The following AP1M1 variants were observed in gnomAD, a reference collection of about 807,000 sequenced individuals.
The protein encoded by AP1M1 is AP-1 complex subunit mu-1.
AP1M1 carries 18 observed loss-of-function variants against 57.1 expected under a neutral mutation model. The ratio of observed to expected loss-of-function variants is 0.32; its 90% confidence interval spans 0.22 to 0.47. The LOEUF (loss-of-function observed/expected upper bound fraction) is 0.47. Ranked by LOEUF, AP1M1 falls within the 20% of genes least tolerant of loss-of-function variation. AP1M1 has a pLI of 1.00. For synonymous variants in AP1M1, 241 were observed against 237.9 expected, an observed-to-expected ratio of 1.01 and a Z score of -0.12; for missense variants, 362 against 593.5, an observed-to-expected ratio of 0.61 and a Z score of 4.05.
rs944154553 is a variant in AP1M1, at chr19:16,227,119, C to T, written c.674-429C>T. On this transcript the variant is annotated intron_variant, in intron 6 of 11. Coordinates refer to ENST00000291439, the MANE Select transcript of AP1M1 (RefSeq NM_032493.4). The surrounding 1 kb of genome is among the most constrained non-coding windows in gnomAD (Gnocchi z 6.2). ...GCATCAGTCTATCAGGGCAGCTCCC[C>T]GCCTGGGGCTGGGCAGGGCCCCACC... is the stretch of plus-strand genomic sequence containing the variant. Among the ~76,000 whole-genome samples, 11 of 152,126 alleles carry T rather than the reference C, an allele frequency of 7.2e-5. No individual in the cohort carries two copies. The highest frequency in any genetic ancestry group is 4.1e-4 in the South Asian group (2 of 4,830).
intron 2 of AP1M1, among the ~76,000 whole-genome samples, chr19:16,205,828 C>T (rs186510048): frequency 2.4e-3 from 369 of 152,284 alleles, no homozygotes; most frequent in Non-Finnish European, 4.2e-3. Flanking sequence ...AGAGAAATAT[C>T]AAGGTTTCTC....
intron 5 of AP1M1, among the ~76,000 whole-genome samples, chr19:16,219,544 C>T (rs55807269): frequency 0.11 from 16,591 of 151,840 alleles, 1,120 homozygotes; most frequent in East Asian, 0.32. Flanking sequence ...ATTACAGGCA[C>T]CTGCCACCAT....
chr19:16,209,186 CT>C lies in AP1M1; in HGVS notation c.546+13del. ...AGTCTGTCAACCTCTTGGTAGGCCT[CT>C]TTTCTTTCCTTCTTCTGTAGGGTTT... On this transcript the variant is annotated intron_variant, in intron 5 of 11. Coordinates refer to ENST00000291439, the MANE Select transcript of AP1M1 (RefSeq NM_032493.4). 1.9e-6 allele frequency: 3 copies of C among 1,613,300 alleles called. No homozygotes were observed. The highest frequency in any genetic ancestry group is 2.5e-6 in the Non-Finnish European group (3 of 1,179,688).
Position 16,234,582 on chromosome 19 carries a change from C to A in AP1M1, c.*147C>A. 1 of 967,730 alleles carries A rather than the reference C, an allele frequency of 1.0e-6. No individual in the cohort carries two copies. The highest frequency in any genetic ancestry group is 1.5e-5 in the South Asian group (1 of 68,902). The allele number at this position is 967,730 out of a possible 1,614,324, so 59.9% of individuals were successfully genotyped here. Reference sequence around the variant, plus strand: ...CCCAGGGACCCCTGCCTTCCCCAGGCCATCTGCTCTGCCGTCGACACTCGT... The same window carrying A: ...CCCAGGGACCCCTGCCTTCCCCAGGACATCTGCTCTGCCGTCGACACTCGT... On this transcript the variant is annotated 3_prime_UTR_variant, in exon 12 of 12. Coordinates refer to ENST00000291439, the MANE Select transcript of AP1M1 (RefSeq NM_032493.4).
chr19:16,214,873 C>A (rs1031402649), intron 5 of AP1M1, among the ~76,000 whole-genome samples: 1 of 151,922 alleles, frequency 6.6e-6, no homozygotes, highest in African/African-American at 2.4e-5. Context: ...CTCAGCCTAC[C>A]AATTGGCTGG....
rs2091576511 is a variant in AP1M1, at chr19:16,227,534, A to T, written c.674-14A>T. The T allele has an allele frequency of 6.2e-7, 1 of 1,612,836 alleles. No homozygotes were observed. The highest frequency in any genetic ancestry group is 1.3e-5 in the African/African-American group (1 of 74,762). ...GAGGGCCCAGATCTGTCCTACCCTC[A>T]CCCCTGACCCCAGGCGGCAAAAGCA... On this transcript the variant is annotated splice_polypyrimidine_tract_variant and intron_variant, in intron 6 of 11. Coordinates refer to ENST00000291439, the MANE Select transcript of AP1M1 (RefSeq NM_032493.4). The surrounding 1 kb of genome is among the most constrained non-coding windows in gnomAD (Gnocchi z 6.2).
Position 16,228,281 on chromosome 19 carries a change from TGG to T in AP1M1, c.888+77_888+78del, listed in dbSNP as rs967314887. ...CCGTCCCAGGAGCCTAACCGAGGGC[TGG>T]GGGTGCCGTAGGGCTGCCATCCGTG... On this transcript the variant is annotated intron_variant, in intron 8 of 11. Transcript: ENST00000291439. This position sits in a 1 kb window ranked among gnomAD's most constrained non-coding sequence, Gnocchi z 5.0. 6.6e-7 allele frequency: 1 copy of T among 1,505,614 alleles called. No individual in the cohort carries two copies. Among genetic ancestry groups the T allele is most frequent in the Admixed American group, 1.8e-5 (1 of 56,812 alleles). The allele number at this position is 1,505,614 out of a possible 1,614,324, so 93.3% of individuals were successfully genotyped here. A position where few individuals can be genotyped will look rare whatever the true frequency, so the allele number is the denominator to read the frequency against.
At position 16,239,246 on chromosome 19, in the gene AP1M1, T is replaced by C. The variant is rs1216419722; in HGVS notation, c.*4811T>C. 1.8e-4 allele frequency: 7 copies of C among 39,248 alleles called. No homozygotes were observed. Among genetic ancestry groups the C allele is most frequent in the East Asian group, 6.8e-4 (1 of 1,472 alleles). 2.4% of individuals were successfully genotyped at this position (39,248 alleles called of 1,614,324 possible). Reference sequence around the variant, plus strand: ...CCGCGCCCGGCCAGTTCTCTTTTTTTTTTTTTTTTTTTTTTTTTTTTTTTT... The same window carrying C: ...CCGCGCCCGGCCAGTTCTCTTTTTTCTTTTTTTTTTTTTTTTTTTTTTTTT... On this transcript the variant is annotated 3_prime_UTR_variant, in exon 12 of 12. Coordinates refer to ENST00000291439, the MANE Select transcript of AP1M1 (RefSeq NM_032493.4).
chr19:16,219,805 A>G (rs1297219026), intron 5 of AP1M1, among the ~76,000 whole-genome samples: 2 of 152,228 alleles, frequency 1.3e-5, no homozygotes, highest in Admixed American at 6.5e-5. Context: ...TTTGACTGCA[A>G]CCTGTCACAT....
chr19:16,206,493 C>T lies in AP1M1; in HGVS notation c.267+85C>T. On this transcript the variant is annotated intron_variant, in intron 3 of 11. Transcript: ENST00000291439. This position sits in a 1 kb window ranked among gnomAD's most constrained non-coding sequence, Gnocchi z 4.3. ...GACCTCCCCATACCTGGCCACCCTA[C>T]AGAGAGCTGTGGCATCCCCAGGGAG... 1.4e-6 allele frequency: 2 copies of T among 1,443,256 alleles called. No individual in the cohort carries two copies. Among genetic ancestry groups the T allele is most frequent in the Non-Finnish European group, 1.9e-6 (2 of 1,030,642 alleles). 89.4% of individuals were successfully genotyped at this position (1,443,256 alleles called of 1,614,324 possible).
At chr19:16,201,388 C>CTTT (rs57467734) in intron 1 of AP1M1, among the ~76,000 whole-genome samples, 32 of 62,394 alleles carry the variant, frequency 5.1e-4, no homozygotes, top group East Asian at 2.1e-3. Context: ...GGGAGGATTT[C>CTTT]TTTTTTTTTT....
Position 16,233,628 on chromosome 19 carries a change from G to T in AP1M1, c.1173+10G>T. On this transcript the variant is annotated intron_variant, in intron 10 of 11. Transcript: ENST00000291439. ...TACCTCCGGCATCCAGGTACGTAAGGCCCAGGCGGCCGGGGCCCAGAACAG... is the reference window on the plus strand; with the variant it reads ...TACCTCCGGCATCCAGGTACGTAAGTCCCAGGCGGCCGGGGCCCAGAACAG... 6.2e-7 allele frequency: 1 copy of T among 1,607,168 alleles called. No homozygotes were observed. Among genetic ancestry groups the T allele is most frequent in the Non-Finnish European group, 8.5e-7 (1 of 1,176,596 alleles).
intron 5 of AP1M1, among the ~76,000 whole-genome samples, chr19:16,211,814 G>A (rs1283478199): frequency 6.6e-6 from 1 of 152,014 alleles, no homozygotes; most frequent in Admixed American, 6.6e-5. Flanking sequence ...ATGAAGAGAT[G>A]TTGAATTTTA....
intron 2 of AP1M1, among the ~76,000 whole-genome samples, chr19:16,205,370 A>G (rs1420558089): frequency 6.6e-6 from 1 of 152,124 alleles, no homozygotes; most frequent in African/African-American, 2.4e-5. Flanking sequence ...GCTGAGAGGC[A>G]CCCATGAGAA....
Position 16,203,571 on chromosome 19 carries a change from A to C in AP1M1, c.155A>C (p.His52Pro). The C allele has an allele frequency of 6.2e-7, 1 of 1,613,946 alleles. No individual in the cohort carries two copies. Among genetic ancestry groups the C allele is most frequent in the Non-Finnish European group, 8.5e-7 (1 of 1,179,918 alleles). The part of the protein sequence containing the change: ...EEGMLSPILA[H>P]GGVRFMWIKH... Reference sequence around the variant, plus strand: ...GGGATGCTGTCGCCCATCCTGGCCCACGGGGGGGTCCGTTTCATGTGGATC... The same window carrying C: ...GGGATGCTGTCGCCCATCCTGGCCCCCGGGGGGGTCCGTTTCATGTGGATC... Residue 52 changes from histidine to proline, a missense_variant, in exon 2 of 12, where the codon CAC (histidine) becomes CCC (proline). This residue lies in a region of AP1M1 where 337 missense variants were observed against 511.1 expected (regional missense o/e 0.66). Coordinates refer to ENST00000291439, the MANE Select transcript of AP1M1 (RefSeq NM_032493.4). This position sits in a 1 kb window ranked among gnomAD's most constrained non-coding sequence, Gnocchi z 4.6.
chr19:16,204,031 G>T (rs2091459893), intron 2 of AP1M1, among the ~76,000 whole-genome samples: 1 of 152,108 alleles, frequency 6.6e-6, no homozygotes, highest in Admixed American at 6.5e-5. Flanking sequence ...GGTCAGCGGG[G>T]TCTGGGGTCT....
chr19:16,203,352 C>G lies in AP1M1; in HGVS notation c.43-107C>G. ...CTCTTTTGCGGATAGTGGCCATGAC[C>G]GGAGTCCCCAGAGCGAAGCAGGGTG... On this transcript the variant is annotated intron_variant, in intron 1 of 11. Transcript: ENST00000291439. The surrounding 1 kb of genome is among the most constrained non-coding windows in gnomAD (Gnocchi z 4.6). 1 of 1,159,210 alleles carries G rather than the reference C, an allele frequency of 8.6e-7. No homozygotes were observed. The highest frequency in any genetic ancestry group is 1.4e-5 in the South Asian group (1 of 73,378). 71.8% of individuals were successfully genotyped at this position (1,159,210 alleles called of 1,614,324 possible).
chr19:16,201,578 A>G (rs1471045156), intron 1 of AP1M1, among the ~76,000 whole-genome samples: 1 of 152,058 alleles, frequency 6.6e-6, no homozygotes, highest in East Asian at 1.9e-4. Flanking sequence ...TTGTATTTTT[A>G]GTAGAGACAG....
chr19:16,208,778 C>G, intron 4 of AP1M1: 1 of 400,026 alleles, frequency 2.5e-6, no homozygotes, highest in South Asian at 4.9e-5. Flanking sequence ...TCTTGGTCCC[C>G]CAAAATGAGC....
Sources: gnomAD v4.1 joint callset for allele counts (sites outside exome capture counted in the v4.1 genomes callset) on GRCh38, gnomAD v4.1.1 for gene constraint, gnomAD v4.1.1 regional missense constraint, Gnocchi (gnomAD v3.1) non-coding constraint, MANE v1.5 for transcripts, NCBI Gene and HGNC (gene_info 2026-07-23, HGNC 2026-07-21) for gene names.